Variants in LHFPL4 observed in about 807,000 individuals in gnomAD.
LHFPL4 encodes LHFPL tetraspan subfamily member 4, also known as LHFPL tetraspan subfamily member 4 protein.
Under a neutral mutation model 20.0 loss-of-function variants are expected in LHFPL4, and 6 were observed. The observed-to-expected ratio is 0.30, with a 90% CI of 0.16 to 0.59. The LOEUF is 0.59. LHFPL4 is among the 20% of genes least tolerant of loss of function. The pLI is 0.88. For missense variants in LHFPL4, 215 were observed against 331.2 expected (o/e 0.65, Z 2.72); for synonymous variants, 129 against 143.8 (o/e 0.90, Z 0.74).
rs2046537697 is a variant in LHFPL4, at chr3:9,549,326, GAATA to G, written c.406+2944_406+2947del. On this transcript the variant is annotated intron_variant, in intron 2 of 3. Transcript: ENST00000287585. Reference sequence around the variant, plus strand: ...TAGAGCTGGTGAAGAACAAACAAAAGAATAAATATCTTTTTGTATTTTCCCAATG... The same window carrying G: ...TAGAGCTGGTGAAGAACAAACAAAAGAATATCTTTTTGTATTTTCCCAATG... 2.0e-5 allele frequency among the ~76,000 whole-genome samples: 3 copies of G among 152,266 alleles called. No individual in the cohort carries two copies. The South Asian group carries it at 6.2e-4, about 32-fold the overall frequency.
chr3:9,536,602 C>T (rs2046445994), intron 2 of LHFPL4, among the ~76,000 whole-genome samples: 1 of 152,204 alleles, frequency 6.6e-6, no homozygotes, highest in African/African-American at 2.4e-5. Context: ...ACTAGTTTCT[C>T]TGCTTCTACC....
intron 2 of LHFPL4, among the ~76,000 whole-genome samples, chr3:9,530,950 C>T (rs1460226245): frequency 6.6e-6 from 1 of 152,104 alleles, no homozygotes; most frequent in Non-Finnish European, 1.5e-5. Context: ...CTTCCTTTCA[C>T]TTGAACACTT....
chr3:9,521,543 G>A (rs1481441715), intron 2 of LHFPL4, among the ~76,000 whole-genome samples: 2 of 151,938 alleles, frequency 1.3e-5, no homozygotes, highest in East Asian at 1.9e-4. Flanking sequence ...TGGGACTACA[G>A]GGGCCCGCCA....
chr3:9,551,032 TC>T (rs1559525352), intron 2 of LHFPL4: 1 of 152,200 alleles, frequency 6.6e-6, no homozygotes, highest in Admixed American at 6.5e-5. Context: ...TGGAGTGACT[TC>T]CAGCCATTTC....
chr3:9,528,916 C>T (rs2046391870), intron 2 of LHFPL4, among the ~76,000 whole-genome samples: 1 of 145,500 alleles, frequency 6.9e-6, no homozygotes, highest in African/African-American at 2.7e-5. Context: ...CACCCAGCCC[C>T]CCAACTTTTT....
At chr3:9,525,814 T>G (rs938616328) in intron 2 of LHFPL4, among the ~76,000 whole-genome samples, 1 of 152,016 alleles carries the variant, frequency 6.6e-6, no homozygotes, top group Non-Finnish European at 1.5e-5. Flanking sequence ...GTTTTAACTG[T>G]TTTATGTGTA....
At chr3:9,531,781 C>G (rs1021439087) in intron 2 of LHFPL4, among the ~76,000 whole-genome samples, 2 of 149,346 alleles carry the variant, frequency 1.3e-5, no homozygotes, top group African/African-American at 5.1e-5. Context: ...GCCTGGGTAA[C>G]AGAGCGAGAC....
At chr3:9,541,072 C>G (rs2125666104) in intron 2 of LHFPL4, among the ~76,000 whole-genome samples, 1 of 151,986 alleles carries the variant, frequency 6.6e-6, no homozygotes, top group East Asian at 2.0e-4. Context: ...CCCTGAGTAG[C>G]TGGGATTACA....
chr3:9,522,612 G>A (rs543165743), intron 2 of LHFPL4, among the ~76,000 whole-genome samples: 48 of 149,212 alleles, frequency 3.2e-4, no homozygotes, highest in Admixed American at 8.0e-4. Flanking sequence ...ATGGTGGCGC[G>A]CGCCTGTAAT....
At chr3:9,509,300 C>G (rs769489060) in intron 2 of LHFPL4, among the ~76,000 whole-genome samples, 6 of 151,336 alleles carry the variant, frequency 4.0e-5, no homozygotes, top group Admixed American at 4.0e-4. Flanking sequence ...TCTGGACCCC[C>G]GCCCCTCCCG....
At chr3:9,503,519 C>G (rs1294893409) in intron 3 of LHFPL4, among the ~76,000 whole-genome samples, 1 of 152,170 alleles carries the variant, frequency 6.6e-6, no homozygotes, top group African/African-American at 2.4e-5. Flanking sequence ...CTCCCAAAGC[C>G]GTGCAGGAAA....
At chr3:9,553,606 T>A (rs1574859675) in intron 1 of LHFPL4, 79 bp downstream of exon 1, 1 of 146,126 alleles carries the variant, frequency 6.8e-6, no homozygotes, top group South Asian at 2.2e-4. Context: ...AGGGCCGGGG[T>A]TGGGGGGGCG....
intron 3 of LHFPL4, among the ~76,000 whole-genome samples, chr3:9,505,129 G>A (rs2046207927): frequency 6.6e-6 from 1 of 152,220 alleles, no homozygotes; most frequent in Admixed American, 6.5e-5. Flanking sequence ...GCAGCCACCA[G>A]CGCCCTTGAA....
intron 2 of LHFPL4, among the ~76,000 whole-genome samples, chr3:9,524,202 T>TTTTG (rs1044524459): frequency 3.9e-5 from 6 of 151,956 alleles, no homozygotes; most frequent in African/African-American, 1.2e-4. Context: ...GTGTAGGGTT[T>TTTTG]TTTGTTTGTT....
rs1442261275 is a variant in LHFPL4 at position 9,498,891 on chromosome 3, C to T, written c.*3320G>A. ...GTCCTCACCCCCTCAGGAAAGTTTT[C>T]CTTCATGGGTACCGGTCCCCAAAGA... is the stretch of plus-strand genomic sequence containing the variant. On this transcript the variant is annotated 3_prime_UTR_variant, in exon 4 of 4. Transcript: ENST00000287585. The T allele has an allele frequency of 3.9e-5, 6 of 152,662 alleles. No individual in the cohort carries two copies. Among genetic ancestry groups the T allele is most frequent in the African/African-American group, 1.4e-4 (6 of 41,446 alleles). The allele number at this position is 152,662 out of a possible 1,614,324, so 9.5% of individuals were successfully genotyped here. A position where few individuals can be genotyped will look rare whatever the true frequency, so the allele number is the denominator to read the frequency against.
rs898603358 is a variant in LHFPL4 at position 9,506,531 on chromosome 3, G to A, written c.407-328C>T. ...ACCTCCTTCAACTTCCTCTAGCATC[G>A]GGACCAACTCCCTCTCCCATCTCTC... is the stretch of plus-strand genomic sequence containing the variant. On this transcript the variant is annotated intron_variant, in intron 2 of 3. Transcript: ENST00000287585. This position sits in a 1 kb window ranked among gnomAD's most constrained non-coding sequence, Gnocchi z 4.5. Among the ~76,000 whole-genome samples the A allele has an allele frequency of 3.3e-5, 5 of 152,006 alleles. No homozygotes were observed. The highest frequency in any genetic ancestry group is 5.9e-5 in the Non-Finnish European group (4 of 68,012).
intron 2 of LHFPL4, among the ~76,000 whole-genome samples, chr3:9,533,722 C>T (rs1012295955): frequency 1.3e-5 from 2 of 152,016 alleles, no homozygotes; most frequent in African/African-American, 4.8e-5. Context: ...GCGGAGCTTG[C>T]AGTGAGCTGA....
At chr3:9,515,738 T>C (rs1002439129) in intron 2 of LHFPL4, among the ~76,000 whole-genome samples, 6 of 151,710 alleles carry the variant, frequency 4.0e-5, no homozygotes, top group African/African-American at 1.5e-4. Context: ...TTTTTTCTTT[T>C]GAGAGGGAGT....
chr3:9,528,093 T>A (rs1015048008), intron 2 of LHFPL4, among the ~76,000 whole-genome samples: 16 of 152,162 alleles, frequency 1.1e-4, no homozygotes, highest in Non-Finnish European at 1.6e-4. Flanking sequence ...GCAATGAAGG[T>A]TTGAGTAGCT....
Sources: allele counts gnomAD v4.1 joint callset (sites outside exome capture counted in the v4.1 genomes callset), GRCh38; gene constraint gnomAD v4.1.1; non-coding constraint Gnocchi (gnomAD v3.1); transcripts MANE v1.5; gene names NCBI Gene and HGNC (gene_info 2026-07-23, HGNC 2026-07-21).